STX17: variants seen among roughly 807,000 people sequenced by gnomAD.
STX17 encodes syntaxin 17, also known as syntaxin-17.
Under a neutral mutation model 35.9 loss-of-function variants are expected in STX17, and 29 were observed. That is an observed-to-expected ratio of 0.81 (90% CI 0.60 to 1.10). The LOEUF is 1.10. Among genes scored for constraint, STX17 ranks in the 50% least tolerant of loss-of-function variants. The pLI, the probability that STX17 is intolerant of heterozygous loss-of-function variation, is 0.00. For missense variants in STX17, 312 were observed against 352.3 expected (o/e 0.89, Z 0.92); for synonymous variants, 92 against 118.3 (o/e 0.78, Z 1.44).
intron 1 of STX17, among the ~76,000 whole-genome samples, chr9:99,910,904 G>A (rs1178866215): frequency 1.3e-5 from 2 of 151,998 alleles, no homozygotes. Flanking sequence ...AGAAATGGAG[G>A]TCTCATTATA....
intron 6 of STX17, 135 bp downstream of exon 6, chr9:99,960,290 T>C (rs948247030): frequency 4.7e-5 from 42 of 893,766 alleles, no homozygotes; most frequent in Non-Finnish European, 7.1e-5. Flanking sequence ...TAGATAGAAG[T>C]TTAACTGTTC....
chr9:99,940,765 G>A (rs1399753794), intron 3 of STX17, among the ~76,000 whole-genome samples: 1 of 152,180 alleles, frequency 6.6e-6, no homozygotes, highest in East Asian at 1.9e-4. Flanking sequence ...ACAGGCGTGA[G>A]CCACCGCACC....
intron 3 of STX17, chr9:99,930,022 C>T (rs1313203870): frequency 1.4e-5 from 2 of 147,530 alleles, no homozygotes; most frequent in East Asian, 4.1e-4. Context: ...AAGCAATTCT[C>T]CTGCCTCAGC....
At chr9:99,922,186 T>C (rs530753329) in intron 2 of STX17, among the ~76,000 whole-genome samples, 6 of 152,328 alleles carry the variant, frequency 3.9e-5, no homozygotes, top group African/African-American at 1.4e-4. Flanking sequence ...TTTGTTGTTT[T>C]TGTTTTGCCT....
intron 3 of STX17, among the ~76,000 whole-genome samples, chr9:99,934,445 T>A (rs923426283): frequency 6.6e-6 from 1 of 152,216 alleles, no homozygotes; most frequent in Admixed American, 6.5e-5. Context: ...AGTTAATACT[T>A]GTTAAGCTAT....
chr9:99,943,258 C>G (rs1028372518), intron 3 of STX17, among the ~76,000 whole-genome samples: 1 of 152,016 alleles, frequency 6.6e-6, no homozygotes, highest in African/African-American at 2.4e-5. Flanking sequence ...CTCAGCCTCC[C>G]GAGTAGCTGG....
intron 3 of STX17, among the ~76,000 whole-genome samples, chr9:99,950,105 T>C (rs1829563809): frequency 6.6e-6 from 1 of 151,946 alleles, no homozygotes; most frequent in South Asian, 2.1e-4. Context: ...ACATAATTCA[T>C]TATAGCAACA....
At position 99,969,570 on chromosome 9, in the gene STX17, A is replaced by G. The variant is rs774709967; in HGVS notation, c.*897A>G. ...AGAAAAGAAAAAAAGAAATTTCGAG[A>G]TATTTTCAACATTGTTAGAGTTTGG... On this transcript the variant is annotated 3_prime_UTR_variant, in exon 8 of 8. Transcript: ENST00000259400. 1 of 152,438 alleles carries G rather than the reference A, an allele frequency of 6.6e-6. No individual in the cohort carries two copies. The highest frequency in any genetic ancestry group is 1.5e-5 in the Non-Finnish European group (1 of 68,048). 9.4% of individuals were successfully genotyped at this position (152,438 alleles called of 1,614,324 possible). A position where few individuals can be genotyped will look rare whatever the true frequency, so the allele number is the denominator to read the frequency against.
chr9:99,912,591 G>T (rs768212298), intron 1 of STX17, among the ~76,000 whole-genome samples: 19 of 152,074 alleles, frequency 1.2e-4, no homozygotes, highest in Non-Finnish European at 2.2e-4. Context: ...TTGTTTTAAA[G>T]AAATAATTAT....
chr9:99,909,976 T>C (rs1777258995), intron 1 of STX17, among the ~76,000 whole-genome samples: 1 of 152,166 alleles, frequency 6.6e-6, no homozygotes, highest in African/African-American at 2.4e-5. Context: ...CTCACACTTG[T>C]AATCCTAGCA....
chr9:99,933,392 G>C (rs2118394704), intron 3 of STX17, among the ~76,000 whole-genome samples: 1 of 152,208 alleles, frequency 6.6e-6, no homozygotes, highest in South Asian at 2.1e-4. Context: ...TTTCAGGAGT[G>C]TTTTGGCTAT....
At chr9:99,947,162 A>G (rs929519269) in intron 3 of STX17, among the ~76,000 whole-genome samples, 3 of 151,946 alleles carry the variant, frequency 2.0e-5, no homozygotes, top group Admixed American at 1.3e-4. Context: ...TTTTTTACAT[A>G]GTTTCTTCAG....
Position 99,968,549 on chromosome 9 carries a change from T to G in STX17, c.785T>G (p.Leu262Arg). 6.2e-7 allele frequency: 1 copy of G among 1,613,744 alleles called. No homozygotes were observed. The highest frequency in any genetic ancestry group is 1.7e-5 in the Admixed American group (1 of 59,944). The change falls in exon 8 of 8, where the codon CTT becomes CGT. Residue 262 changes from leucine (L) to arginine (R), a missense_variant. Physicochemically the swap from Leu to Arg is moderately radical, Grantham distance 102. Coordinates refer to ENST00000259400, the MANE Select transcript of STX17 (RefSeq NM_017919.3). Reference protein sequence around the residue: ...GFKVAGIAAALGGGVLGFTGG... With the variant: ...GFKVAGIAAARGGGVLGFTGG... Reference sequence around the variant, plus strand: ...AAAGTGGCAGGAATTGCAGCTGCACTTGGTGGTGGGGTGTTGGGCTTCACA... The same window carrying G: ...AAAGTGGCAGGAATTGCAGCTGCACGTGGTGGTGGGGTGTTGGGCTTCACA...
At chr9:99,917,931 T>C (rs1828808110) in intron 2 of STX17, among the ~76,000 whole-genome samples, 1 of 152,170 alleles carries the variant, frequency 6.6e-6, no homozygotes, top group Admixed American at 6.5e-5. Flanking sequence ...ACAGAGGTAG[T>C]CTGGGGTACA....
At chr9:99,941,707 G>A (rs1829366846) in intron 3 of STX17, among the ~76,000 whole-genome samples, 1 of 152,112 alleles carries the variant, frequency 6.6e-6, no homozygotes, top group South Asian at 2.1e-4. Flanking sequence ...CTGCCAAAGT[G>A]TGTCCTTAAG....
intron 3 of STX17, among the ~76,000 whole-genome samples, chr9:99,947,336 T>G (rs1829505068): frequency 6.6e-6 from 1 of 152,208 alleles, no homozygotes. Flanking sequence ...TCAAGCTTTA[T>G]TTTTATGCCT....
At chr9:99,933,160 A>C (rs10123261) in intron 3 of STX17, among the ~76,000 whole-genome samples, 104,691 of 151,970 alleles carry the variant, frequency 0.69, 36,332 homozygotes, top group African/African-American at 0.72. Context: ...TTCCATCTTG[A>C]AAATCACTTG....
At chr9:99,968,217 C>G (rs994213140) in intron 7 of STX17, among the ~76,000 whole-genome samples, 43 of 152,126 alleles carry the variant, frequency 2.8e-4, no homozygotes, top group African/African-American at 1.0e-3. Context: ...TTGTAGCAGT[C>G]CACTCTTTGT....
intron 3 of STX17, among the ~76,000 whole-genome samples, chr9:99,949,915 C>T (rs143869768): frequency 0.024 from 3,440 of 146,182 alleles, 80 homozygotes; most frequent in Middle Eastern, 0.062. Flanking sequence ...AGTATAAATA[C>T]ACAAACTGTG....
Sources: allele counts gnomAD v4.1 joint callset (sites outside exome capture counted in the v4.1 genomes callset), GRCh38; gene constraint gnomAD v4.1.1; transcripts MANE v1.5; gene names NCBI Gene and HGNC (gene_info 2026-07-23, HGNC 2026-07-21).